ARMCX4: variants seen among roughly 807,000 people sequenced by gnomAD.
ARMCX4 encodes armadillo repeat containing X-linked 4.
In ARMCX4, 3 loss-of-function variants were observed where a neutral mutation model predicts 34.7. That is an observed-to-expected ratio of 0.09 (90% CI 0.04 to 0.22). ARMCX4 has a LOEUF of 0.22. Ranked by LOEUF, ARMCX4 falls within the 10% of genes least tolerant of loss-of-function variation. The probability of loss-of-function intolerance (pLI) is 1.00; values close to 1 mark genes in which losing one functional copy is unlikely to be tolerated. For synonymous variants in ARMCX4, 513 were observed against 632.8 expected (o/e 0.81, Z 2.84); for missense variants, 1,448 against 1,720.8 (o/e 0.84, Z 2.81).
rs143356137 is a variant in ARMCX4, at chrX:101,490,099, G to A, written c.1510G>A (p.Ala504Thr). 459 of 1,154,501 alleles carry A rather than the reference G, an allele frequency of 4.0e-4. 2 individuals carry two copies. In the African/African-American group the frequency reaches 6.8e-3, roughly 17 times the overall value. The change falls in exon 6 of 6, where the codon GCT (alanine) becomes ACT (threonine). Residue 504 changes from alanine (A) to threonine (T), a missense_variant. Around this residue, in one of 2 missense-constraint regions of ARMCX4, gnomAD observed 1,343 missense variants for 1,540.7 expected, o/e 0.87. Transcript: ENST00000423738. ...GNVNTMPKEG[A>T]GVDMKAQGMA... ...TGTCAATACCATGCCTAAGGAAGGA[G>A]CTGGGGTGGATATGAAGGCTCAAGG...
intron 4 of ARMCX4, among the ~76,000 whole-genome samples, chrX:101,458,524 T>G (rs1434526375): frequency 9.1e-6 from 1 of 109,304 alleles, no homozygotes; most frequent in African/African-American, 3.3e-5. Context: ...CCCCTTTTTT[T>G]TTTTTGAGAC....
At chrX:101,431,064 G>A (rs1929966675) in intron 2 of ARMCX4, among the ~76,000 whole-genome samples, 1 of 111,521 alleles carries the variant, frequency 9.0e-6, no homozygotes, top group African/African-American at 3.3e-5. Context: ...AAGGATCTAA[G>A]GCTCAGATGT....
At chrX:101,530,129 A>C (rs782612996) in intron 11 of ARMCX4, among the ~76,000 whole-genome samples, 79 of 112,402 alleles carry the variant, frequency 7.0e-4, no homozygotes, top group African/African-American at 2.3e-3. Context: ...TGTGATACAT[A>C]TACCCCATGG....
chrX:101,462,613 C>A (rs1329353710), intron 4 of ARMCX4, among the ~76,000 whole-genome samples: 3 of 100,071 alleles, frequency 3.0e-5, no homozygotes, highest in African/African-American at 1.1e-4. Context: ...GCACTCCAGC[C>A]TGGCGACAGA....
At chrX:101,496,588 A>G (rs181956412), downstream of ARMCX4, among the ~76,000 whole-genome samples, 7 of 111,966 alleles carry the variant, frequency 6.3e-5, no homozygotes, top group African/African-American at 2.3e-4. Context: ...CCATGTAAGT[A>G]AACAGTTACA....
intron 11 of ARMCX4, chrX:101,511,052 TTAAG>T (rs1161339279): frequency 2.1e-4 from 24 of 111,791 alleles, no homozygotes; most frequent in African/African-American, 7.5e-4. Context: ...AATCATGATA[TTAAG>T]TAAGTCTATT....
chrX:101,448,695 C>T (rs1015456385), downstream of ARMCX4, among the ~76,000 whole-genome samples: 9 of 110,906 alleles, frequency 8.1e-5, no homozygotes, highest in Admixed American at 5.8e-4. Flanking sequence ...CGGGTTCAAG[C>T]GATTCTCCTG....
At position 101,493,139 on chromosome X, in the gene ARMCX4, A is replaced by G. The variant is rs530105432; in HGVS notation, c.4550A>G (p.Gln1517Arg). The G allele has an allele frequency of 1.7e-6, 2 of 1,153,380 alleles. No individual in the cohort carries two copies. The highest frequency in any genetic ancestry group is 1.1e-6 in the Non-Finnish European group (1 of 872,179). ...TGGTTCTGTGTTTGCCCTGGGAGTC[A>G]GACGAATGGAGGGTCTTGGGGTGGG... is the stretch of plus-strand genomic sequence containing the variant. ...SGWFCVCPGSQTNGGSWGGAS... is the reference protein window; with the variant it reads ...SGWFCVCPGSRTNGGSWGGAS... The change falls in exon 6 of 6, where the codon CAG becomes CGG. Residue 1517 changes from glutamine to arginine, a missense_variant. Gln to Arg is a conservative substitution (Grantham distance 43). Coordinates refer to ENST00000423738, the MANE Select transcript of ARMCX4 (RefSeq NM_001256155.3).
At chrX:101,435,001 T>A (rs1930615618) in intron 2 of ARMCX4, among the ~76,000 whole-genome samples, 1 of 111,459 alleles carries the variant, frequency 9.0e-6, no homozygotes. Flanking sequence ...TATTCCATGG[T>A]GTATATGTGC....
chrX:101,433,262 A>C (rs1930406016), intron 2 of ARMCX4, among the ~76,000 whole-genome samples: 1 of 108,059 alleles, frequency 9.3e-6, no homozygotes, highest in Non-Finnish European at 1.9e-5. Flanking sequence ...ACATATATAC[A>C]TATATGTACA....
rs187080652 is a variant in ARMCX4 at position 101,464,463 on chromosome X, C to A, written c.-473+18419C>A. ...CAGAGAGAGAATGGGAATGAACACCCACAATACCACAACTAGAACAGCCCA... is the reference window on the plus strand; with the variant it reads ...CAGAGAGAGAATGGGAATGAACACCAACAATACCACAACTAGAACAGCCCA... On this transcript the variant is annotated intron_variant and NMD_transcript_variant, in intron 4 of 15. Coordinates refer to the ARMCX4 transcript ENST00000433011. 2.3e-3 allele frequency among the ~76,000 whole-genome samples: 255 copies of A among 111,397 alleles called. 1 individual carries two copies. Among genetic ancestry groups the A allele is most frequent in the African/African-American group, 8.0e-3 (246 of 30,699 alleles).
intron 10 of ARMCX4, among the ~76,000 whole-genome samples, chrX:101,510,193 C>T (rs1443413934): frequency 2.7e-5 from 3 of 111,799 alleles, no homozygotes; most frequent in African/African-American, 9.8e-5. Flanking sequence ...AATATATATA[C>T]GCATATATTC....
At chrX:101,461,644 C>T (rs1932612882) in intron 4 of ARMCX4, among the ~76,000 whole-genome samples, 2 of 111,569 alleles carry the variant, frequency 1.8e-5, no homozygotes, top group African/African-American at 6.5e-5. Context: ...TACTATTTTC[C>T]ACAGTGGCTG....
chrX:101,529,665 T>C (rs1935074457), intron 11 of ARMCX4, among the ~76,000 whole-genome samples: 1 of 112,072 alleles, frequency 8.9e-6, no homozygotes, highest in African/African-American at 3.2e-5. Flanking sequence ...CACCAAAAAG[T>C]GGGCAAAGTA....
intron 4 of ARMCX4, among the ~76,000 whole-genome samples, chrX:101,468,592 A>G (rs782353958): frequency 1.8e-5 from 2 of 110,172 alleles, no homozygotes; most frequent in Non-Finnish European, 3.8e-5. Flanking sequence ...GCCTGTCCTT[A>G]GGAGAGTATT....
chrX:101,500,562 T>A (rs1934275659), downstream of ARMCX4, among the ~76,000 whole-genome samples: 1 of 112,122 alleles, frequency 8.9e-6, no homozygotes, highest in Non-Finnish European at 1.9e-5. Flanking sequence ...AGAGCCTAGA[T>A]GACACTAGAC....
At chrX:101,520,697 G>A (rs1336330335) in intron 11 of ARMCX4, among the ~76,000 whole-genome samples, 1 of 110,879 alleles carries the variant, frequency 9.0e-6, no homozygotes, top group African/African-American at 3.3e-5. Context: ...AAGTTATATT[G>A]GTTAGAGTGG....
At chrX:101,448,865 A>G (rs1931804447), downstream of ARMCX4, among the ~76,000 whole-genome samples, 6 of 105,211 alleles carry the variant, frequency 5.7e-5, no homozygotes, top group South Asian at 2.6e-3. Context: ...AAGTGCTGGG[A>G]TTACAGGCGA....
At chrX:101,535,463 T>C (rs186761069), downstream of ARMCX4, among the ~76,000 whole-genome samples, 1 of 112,001 alleles carries the variant, frequency 8.9e-6, no homozygotes, top group African/African-American at 3.2e-5. Flanking sequence ...GAATTCTAAG[T>C]TTATGATTTG....
Sources: allele counts gnomAD v4.1 joint callset (sites outside exome capture counted in the v4.1 genomes callset), GRCh38; gene constraint gnomAD v4.1.1; regional missense constraint gnomAD v4.1.1; transcripts MANE v1.5; gene names NCBI Gene and HGNC (gene_info 2026-07-23, HGNC 2026-07-21).